Variants in TAF4B observed in about 807,000 individuals in gnomAD.
The protein encoded by TAF4B is TATA-box binding protein associated factor 4b.
Under a neutral mutation model 86.4 loss-of-function variants are expected in TAF4B, and 38 were observed. The ratio of observed to expected loss-of-function variants is 0.44; its 90% CI spans 0.34 to 0.58. The LOEUF is 0.58. TAF4B is among the 20% of genes least tolerant of loss of function. The probability of loss-of-function intolerance (pLI) is 0.02; values close to 1 mark genes in which losing one functional copy is unlikely to be tolerated. For missense variants in TAF4B, 988 were observed against 1,027.6 expected, an observed-to-expected ratio of 0.96 and a Z score of 0.53; for synonymous variants, 388 against 391.2, an observed-to-expected ratio of 0.99 and a Z score of 0.10.
rs935356034 is a variant in TAF4B, at chr18:26,390,402, T to A, written c.*390T>A. ...GAAGAGGCATAAGAAAATACAAGAA[T>A]GACTATTTCATTCTATATTGAACCT... On this transcript the variant is annotated 3_prime_UTR_variant, in exon 15 of 15. Transcript: ENST00000269142. 6.1e-6 allele frequency: 1 copy of A among 162,924 alleles called. No individual in the cohort carries two copies. The highest frequency in any genetic ancestry group is 2.4e-5 in the African/African-American group (1 of 41,670). The allele number at this position is 162,924 out of a possible 1,614,324, so 10.1% of individuals were successfully genotyped here. A position where few individuals can be genotyped will look rare whatever the true frequency, so the allele number is the denominator to read the frequency against.
At chr18:26,325,435 G>A (rs2056996135) in intron 11 of TAF4B, among the ~76,000 whole-genome samples, 1 of 151,774 alleles carries the variant, frequency 6.6e-6, no homozygotes, top group South Asian at 2.1e-4. Context: ...AGGAACATAA[G>A]ATTGGGGTTG....
In TAF4B at chr18:26,239,615, G is replaced by T. The variant is rs548501821; in HGVS notation, c.343+12339G>T. ...AATAAGATCCCATTTGTCAATTTTG[G>T]CTTTTGTTGCCATTGCTTTTGGTGT... On this transcript the variant is annotated intron_variant, in intron 1 of 14. Coordinates refer to ENST00000269142, the MANE Select transcript of TAF4B (RefSeq NM_005640.3). Among the ~76,000 whole-genome samples, 467 of 152,202 alleles carry T rather than the reference G, an allele frequency of 3.1e-3. 1 individual carries two copies. The highest frequency in any genetic ancestry group is 4.2e-3 in the African/African-American group (175 of 41,512).
intron 6 of TAF4B, among the ~76,000 whole-genome samples, chr18:26,282,636 A>G (rs1379064501): frequency 2.0e-5 from 3 of 152,234 alleles, no homozygotes; most frequent in Non-Finnish European, 4.4e-5. Flanking sequence ...GGTCACACCC[A>G]GCTGTGGCAA....
intron 2 of TAF4B, chr18:26,266,722 CGTG>C (rs2056244678): frequency 6.6e-6 from 1 of 152,058 alleles, no homozygotes; most frequent in Non-Finnish European, 1.5e-5. Flanking sequence ...ATTAGCCTGA[CGTG>C]GTGGCAGGCG....
intron 14 of TAF4B, among the ~76,000 whole-genome samples, chr18:26,381,479 C>T (rs1208657720): frequency 2.0e-5 from 3 of 151,814 alleles, no homozygotes; most frequent in Non-Finnish European, 2.9e-5. Context: ...GTAATCCCAG[C>T]ACTTTGGGAG....
Position 26,358,641 on chromosome 18 carries a change from C to T in TAF4B, c.2421+847C>T, listed in dbSNP as rs191040736. ...AGGAGAATGGCGTGAACCCGGAAGG[C>T]GGAGGTTACAGTTTGCCAAGATCGC... On this transcript the variant is annotated intron_variant, in intron 14 of 14. Transcript: ENST00000269142. Among the ~76,000 whole-genome samples, 8 of 152,268 alleles carry T rather than the reference C, an allele frequency of 5.3e-5. No homozygotes were observed. In the East Asian group the frequency reaches 9.6e-4, roughly 18 times the overall value.
chr18:26,335,320 T>C (rs2057082258), intron 13 of TAF4B, 89 bp downstream of exon 13: 1 of 1,149,696 alleles, frequency 8.7e-7, no homozygotes, highest in African/African-American at 1.5e-5. Context: ...TTTATTTTGC[T>C]GTTGCATACC....
chr18:26,329,914 C>T (rs1379434261), intron 12 of TAF4B, among the ~76,000 whole-genome samples: 1 of 152,184 alleles, frequency 6.6e-6, no homozygotes, highest in Non-Finnish European at 1.5e-5. Flanking sequence ...AAGCAATCCT[C>T]CCACCTCAGC....
rs1351146483 is a variant in TAF4B, at chr18:26,357,731, T to C, written c.2358T>C (p.Ala786=). 10 of 1,613,262 alleles carry C rather than the reference T, an allele frequency of 6.2e-6. No homozygotes were observed. Among genetic ancestry groups the C allele is most frequent in the Non-Finnish European group, 8.5e-6 (10 of 1,179,558 alleles). Residue 786 remains alanine (A), a synonymous_variant, in exon 14 of 15, where the codon GCT becomes GCC. Coordinates refer to ENST00000269142, the MANE Select transcript of TAF4B (RefSeq NM_005640.3). ...LELAQIQHRD[A]NLTALAAIGP... ...TTGCACAGATACAGCATAGAGACGC[T>C]AATCTCACAGCTCTTGCAGCTATTG...
intron 9 of TAF4B, among the ~76,000 whole-genome samples, chr18:26,301,297 T>G (rs1029931046): frequency 4.6e-5 from 7 of 151,838 alleles, no homozygotes; most frequent in Non-Finnish European, 1.0e-4. Flanking sequence ...TTGTTGTTTT[T>G]TTTTTTTTTG....
chr18:26,246,322 T>A (rs771973832), intron 1 of TAF4B, among the ~76,000 whole-genome samples: 1 of 152,180 alleles, frequency 6.6e-6, no homozygotes, highest in Non-Finnish European at 1.5e-5. Context: ...ATATGATACA[T>A]AGTTGTCTAG....
chr18:26,229,795 G>T (rs186269608), intron 1 of TAF4B, among the ~76,000 whole-genome samples: 7 of 152,170 alleles, frequency 4.6e-5, no homozygotes, highest in Admixed American at 3.9e-4. Context: ...TAGCCACTGC[G>T]CTGGCCTGAA....
chr18:26,258,013 T>C (rs1002761951), intron 1 of TAF4B, among the ~76,000 whole-genome samples: 1 of 152,026 alleles, frequency 6.6e-6, no homozygotes, highest in Non-Finnish European at 1.5e-5. Context: ...CCCAGCACTT[T>C]GGGAGGCCGA....
intron 9 of TAF4B, among the ~76,000 whole-genome samples, chr18:26,299,191 T>C (rs1478382829): frequency 6.6e-6 from 1 of 152,090 alleles, no homozygotes; most frequent in Admixed American, 6.6e-5. Context: ...GGCACAGTGC[T>C]CTACATGTTC....
In TAF4B at chr18:26,226,885, C is replaced by A. The variant is rs1247230231; in HGVS notation, c.-49C>A. Reference sequence around the variant, plus strand: ...TGCCGCGCGCCAAGCCTCCCCTCACCTCTGCTCCCGGAACCGCAGCGCCAA... The same window carrying A: ...TGCCGCGCGCCAAGCCTCCCCTCACATCTGCTCCCGGAACCGCAGCGCCAA... On this transcript the variant is annotated 5_prime_UTR_variant, in exon 1 of 15. Coordinates refer to ENST00000269142, the MANE Select transcript of TAF4B (RefSeq NM_005640.3). 7.5e-7 allele frequency: 1 copy of A among 1,331,684 alleles called. No individual in the cohort carries two copies. Among genetic ancestry groups the A allele is most frequent in the Non-Finnish European group, 9.6e-7 (1 of 1,043,904 alleles). The allele number at this position is 1,331,684 out of a possible 1,614,324, so 82.5% of individuals were successfully genotyped here. A position where few individuals can be genotyped will look rare whatever the true frequency, so the allele number is the denominator to read the frequency against.
chr18:26,382,976 T>A (rs1567932746), intron 14 of TAF4B, among the ~76,000 whole-genome samples: 1 of 152,166 alleles, frequency 6.6e-6, no homozygotes, highest in Non-Finnish European at 1.5e-5. Flanking sequence ...AGAACTTAGA[T>A]GATGTGGCAA....
chr18:26,322,907 C>T (rs2056974529), intron 11 of TAF4B, among the ~76,000 whole-genome samples: 1 of 152,066 alleles, frequency 6.6e-6, no homozygotes, highest in Non-Finnish European at 1.5e-5. Flanking sequence ...GCTTTCACTG[C>T]ATTCCATAAG....
At chr18:26,284,783 C>T (rs1391571128) in intron 6 of TAF4B, among the ~76,000 whole-genome samples, 1 of 152,036 alleles carries the variant, frequency 6.6e-6, no homozygotes, top group Admixed American at 6.5e-5. Flanking sequence ...GCAGGAGAAT[C>T]TCTTGAACTC....
At chr18:26,247,053 T>C (rs1463326862) in intron 1 of TAF4B, among the ~76,000 whole-genome samples, 1 of 152,000 alleles carries the variant, frequency 6.6e-6, no homozygotes, top group Non-Finnish European at 1.5e-5. Flanking sequence ...TTAGTAGAAA[T>C]GGGGTTTCTC....
Sources: allele counts gnomAD v4.1 joint callset (sites outside exome capture counted in the v4.1 genomes callset), GRCh38; gene constraint gnomAD v4.1.1; transcripts MANE v1.5; gene names NCBI Gene and HGNC (gene_info 2026-07-23, HGNC 2026-07-21).